KCNIP4: variants seen among roughly 807,000 people sequenced by gnomAD.
KCNIP4 encodes the protein potassium voltage-gated channel interacting protein 4.
KCNIP4 carries 12 observed loss-of-function variants against 34.0 expected under a neutral mutation model. That is an observed-to-expected ratio of 0.35 (90% CI 0.23 to 0.57). The LOEUF (loss-of-function observed/expected upper bound fraction) is 0.57, where lower values mean the gene tolerates loss of function less well. KCNIP4 is among the 20% of genes least tolerant of loss of function. The pLI, the probability that KCNIP4 is intolerant of heterozygous loss-of-function variation, is 0.83. For missense variants in KCNIP4, 238 were observed against 311.7 expected (o/e 0.76, Z 1.78); for synonymous variants, 124 against 102.2 (o/e 1.21, Z -1.29).
chr4:21,083,429 A>G (rs996790141), intron 1 of KCNIP4, among the ~76,000 whole-genome samples: 1 of 151,818 alleles, frequency 6.6e-6, no homozygotes, highest in Non-Finnish European at 1.5e-5. Flanking sequence ...GAAATTAAGG[A>G]TCTTCAAAGG....
In KCNIP4 at chr4:20,729,566, ATG is replaced by A. The variant is rs1747339868; in HGVS notation, c.*514_*515del. The stretch of plus-strand genomic sequence containing the variant: ...TGGGAAGGCCATAGAAACTGGAACT[ATG>A]TGTTTTTTTAATTGTTGTAATCTTG... On this transcript the variant is annotated 3_prime_UTR_variant, in exon 9 of 9. Transcript: ENST00000382152. The A allele has an allele frequency of 6.7e-6, 1 of 148,898 alleles. No homozygotes were observed. Among genetic ancestry groups the A allele is most frequent in the South Asian group, 2.2e-4 (1 of 4,452 alleles). 9.2% of individuals were successfully genotyped at this position (148,898 alleles called of 1,614,324 possible). A position where few individuals can be genotyped will look rare whatever the true frequency, so the allele number is the denominator to read the frequency against.
At chr4:21,288,109 A>G (rs371200241) in intron 1 of KCNIP4, among the ~76,000 whole-genome samples, 159 of 152,282 alleles carry the variant, frequency 1.0e-3, no homozygotes, top group African/African-American at 3.7e-3. Flanking sequence ...ACCAGTGGCA[A>G]GATTTATGTT....
chr4:21,296,194 C>T (rs1299070517), intron 1 of KCNIP4, among the ~76,000 whole-genome samples: 1 of 152,070 alleles, frequency 6.6e-6, no homozygotes, highest in East Asian at 1.9e-4. Context: ...ATTTTGGTAA[C>T]AAGTCACCAT....
intron 6 of KCNIP4, 47 bp from the exon 7 acceptor site, chr4:20,732,832 A>G: frequency 8.8e-7 from 1 of 1,138,114 alleles, no homozygotes; most frequent in Non-Finnish European, 1.3e-6. Context: ...ATGTATGAAG[A>G]AACCAGTCTA....
At chr4:20,788,416 T>G (rs1712287935) in intron 3 of KCNIP4, among the ~76,000 whole-genome samples, 1 of 152,148 alleles carries the variant, frequency 6.6e-6, no homozygotes, top group South Asian at 2.1e-4. Flanking sequence ...AACAACTCTC[T>G]CTACCAAAAG....
intron 1 of KCNIP4, among the ~76,000 whole-genome samples, chr4:21,330,503 C>G (rs1318256529): frequency 6.6e-6 from 1 of 152,112 alleles, no homozygotes; most frequent in Non-Finnish European, 1.5e-5. Context: ...CATACAAAAA[C>G]AAACTGGATA....
chr4:21,596,051 T>C (rs1381925605), intron 1 of KCNIP4, among the ~76,000 whole-genome samples: 2 of 152,082 alleles, frequency 1.3e-5, no homozygotes, highest in Non-Finnish European at 2.9e-5. Flanking sequence ...ACTTAGTTTG[T>C]CCTTAGCGCA....
At chr4:20,871,700 T>C (rs1277607905) in intron 2 of KCNIP4, among the ~76,000 whole-genome samples, 2 of 152,152 alleles carry the variant, frequency 1.3e-5, no homozygotes, top group Non-Finnish European at 2.9e-5. Flanking sequence ...ACATGGTCTT[T>C]ACATATTCTT....
chr4:20,997,210 C>A (rs1027551909), intron 1 of KCNIP4, among the ~76,000 whole-genome samples: 4 of 152,054 alleles, frequency 2.6e-5, no homozygotes, highest in Non-Finnish European at 5.9e-5. Flanking sequence ...TAAAAGCAAC[C>A]ACAACCATGA....
At chr4:21,751,468 C>T (rs960887023) in intron 1 of KCNIP4, among the ~76,000 whole-genome samples, 8 of 151,982 alleles carry the variant, frequency 5.3e-5, no homozygotes, top group African/African-American at 1.7e-4. Context: ...AGCATTATGT[C>T]TAATATTCAT....
In KCNIP4 at chr4:21,212,910, ATAT is replaced by A. The variant is rs150863556; in HGVS notation, c.62-330204_62-330202del. ...TTCTCTTGCTATGTGTAAGGCATAG[ATAT>A]GCATATAGCACATAAACAAATATAC... is the stretch of plus-strand genomic sequence containing the variant. On this transcript the variant is annotated intron_variant, in intron 1 of 8. Coordinates refer to ENST00000382152, the MANE Select transcript of KCNIP4 (RefSeq NM_025221.6). Among the ~76,000 whole-genome samples the A allele has an allele frequency of 5.1e-3, 765 of 151,436 alleles. 11 individuals carry two copies. The highest frequency in any genetic ancestry group is 0.018 in the African/African-American group (729 of 41,518).
chr4:20,897,844 A>T (rs896548980), intron 1 of KCNIP4, among the ~76,000 whole-genome samples: 17 of 152,158 alleles, frequency 1.1e-4, no homozygotes, highest in African/African-American at 3.6e-4. Flanking sequence ...CTGTTGCTTA[A>T]GCCATTCAGT....
chr4:21,408,087 G>A (rs181755596), intron 1 of KCNIP4, among the ~76,000 whole-genome samples: 34 of 152,116 alleles, frequency 2.2e-4, no homozygotes, highest in African/African-American at 4.1e-4. Context: ...AAACGAAGCC[G>A]GTAGACATTG....
At chr4:20,797,052 T>C (rs1713572437) in intron 3 of KCNIP4, among the ~76,000 whole-genome samples, 1 of 152,232 alleles carries the variant, frequency 6.6e-6, no homozygotes, top group Non-Finnish European at 1.5e-5. Flanking sequence ...CACCAACCTT[T>C]ACAATGAATA....
At chr4:20,918,159 T>C (rs939580494) in intron 1 of KCNIP4, among the ~76,000 whole-genome samples, 1 of 152,080 alleles carries the variant, frequency 6.6e-6, no homozygotes, top group East Asian at 1.9e-4. Flanking sequence ...TCATCTCTGC[T>C]GTTTCCTCCA....
intron 1 of KCNIP4, among the ~76,000 whole-genome samples, chr4:21,566,402 C>A (rs1739890381): frequency 6.6e-6 from 1 of 152,008 alleles, no homozygotes; most frequent in Non-Finnish European, 1.5e-5. Context: ...TGGGCTTCCC[C>A]CTTGCTATTC....
At chr4:21,027,334 C>T (rs1740642989) in intron 1 of KCNIP4, among the ~76,000 whole-genome samples, 2 of 152,082 alleles carry the variant, frequency 1.3e-5, no homozygotes, top group Non-Finnish European at 2.9e-5. Context: ...AGCTGTGCGG[C>T]CCGTGAAGTC....
chr4:21,311,966 A>G (rs1489153898), intron 1 of KCNIP4, among the ~76,000 whole-genome samples: 1 of 152,158 alleles, frequency 6.6e-6, no homozygotes, highest in Non-Finnish European at 1.5e-5. Flanking sequence ...GTAGTTCTAG[A>G]CTAGTCTAGT....
chr4:20,828,654 C>T (rs1560496083), intron 3 of KCNIP4, among the ~76,000 whole-genome samples: 1 of 152,212 alleles, frequency 6.6e-6, no homozygotes, highest in Non-Finnish European at 1.5e-5. Context: ...GAGTCGCTCA[C>T]TCATTCTCTG....
Sources: gnomAD v4.1 joint callset for allele counts (sites outside exome capture counted in the v4.1 genomes callset) on GRCh38, gnomAD v4.1.1 for gene constraint, MANE v1.5 for transcripts, NCBI Gene and HGNC (gene_info 2026-07-23, HGNC 2026-07-21) for gene names.